The following CACNA2D3 variants were observed in gnomAD, a reference collection of about 807,000 sequenced individuals.
CACNA2D3 encodes calcium voltage-gated channel auxiliary subunit alpha2delta 3.
Under a neutral mutation model 160.6 loss-of-function variants are expected in CACNA2D3, and 60 were observed. The ratio of observed to expected loss-of-function variants is 0.37; its 90% confidence interval spans 0.30 to 0.46. The LOEUF (loss-of-function observed/expected upper bound fraction) is 0.46. CACNA2D3 is among the 20% of genes least tolerant of loss of function. The probability of loss-of-function intolerance (pLI) is 1.00; values close to 1 mark genes in which losing one functional copy is unlikely to be tolerated. For synonymous variants in CACNA2D3, 558 were observed against 492.9 expected, an observed-to-expected ratio of 1.13 and a Z score of -1.75; for missense variants, 1,205 against 1,365.0, an observed-to-expected ratio of 0.88 and a Z score of 1.85.
intron 4 of CACNA2D3, among the ~76,000 whole-genome samples, chr3:54,497,336 T>C (rs2106933516): frequency 6.6e-6 from 1 of 152,190 alleles, no homozygotes; most frequent in African/African-American, 2.4e-5. Flanking sequence ...CATAGTTTAA[T>C]ATACACCTAT....
intron 11 of CACNA2D3, among the ~76,000 whole-genome samples, chr3:54,749,559 GA>G (rs202016681): frequency 4.0e-5 from 6 of 150,534 alleles, no homozygotes; most frequent in East Asian, 1.9e-4. Context: ...ATTACTGTGT[GA>G]AAAAAAAACC....
chr3:54,571,894 G>C (rs1357547025), intron 8 of CACNA2D3, among the ~76,000 whole-genome samples: 1 of 152,180 alleles, frequency 6.6e-6, no homozygotes, highest in African/African-American at 2.4e-5. Flanking sequence ...CCACAGGGTT[G>C]CTGCTGGGAT....
intron 11 of CACNA2D3, among the ~76,000 whole-genome samples, chr3:54,738,874 G>A (rs1042101867): frequency 2.6e-5 from 4 of 152,170 alleles, no homozygotes. Context: ...ACTTGGGGCT[G>A]GGCATGGTGG....
At chr3:54,344,686 C>G (rs1233016799) in intron 3 of CACNA2D3, among the ~76,000 whole-genome samples, 1 of 152,068 alleles carries the variant, frequency 6.6e-6, no homozygotes, top group African/African-American at 2.4e-5. Context: ...GGGAGTGTCT[C>G]AGTTTCCCCA....
chr3:54,650,026 A>C (rs957950524), intron 11 of CACNA2D3, among the ~76,000 whole-genome samples: 1 of 152,086 alleles, frequency 6.6e-6, no homozygotes, highest in African/African-American at 2.4e-5. Flanking sequence ...CACCTGTTAG[A>C]TGTCACTGCA....
At chr3:54,777,727 G>T (rs1470670613) in intron 13 of CACNA2D3, among the ~76,000 whole-genome samples, 4 of 152,128 alleles carry the variant, frequency 2.6e-5, no homozygotes, top group Non-Finnish European at 5.9e-5. Context: ...AGGAGCAGTT[G>T]TTTCCATGGA....
At chr3:54,255,919 T>A (rs566215087) in intron 2 of CACNA2D3, among the ~76,000 whole-genome samples, 2 of 152,218 alleles carry the variant, frequency 1.3e-5, no homozygotes, top group African/African-American at 4.8e-5. Context: ...TTAAGCGAGG[T>A]TAAGTAACTT....
chr3:54,471,394 T>A (rs1244300550), intron 4 of CACNA2D3, among the ~76,000 whole-genome samples: 1 of 152,110 alleles, frequency 6.6e-6, no homozygotes, highest in African/African-American at 2.4e-5. Flanking sequence ...TGGGACACAT[T>A]TAAAGCAGTG....
intron 4 of CACNA2D3, among the ~76,000 whole-genome samples, chr3:54,427,652 G>C (rs960530878): frequency 6.6e-6 from 1 of 152,176 alleles, no homozygotes; most frequent in African/African-American, 2.4e-5. Context: ...CATGAGCCAT[G>C]CTCCCTGCCA....
rs563446898 is a variant in CACNA2D3, at chr3:54,195,750, G to A, written c.204+72156G>A. Among the ~76,000 whole-genome samples the A allele has an allele frequency of 4.5e-4, 68 of 152,276 alleles. No individual in the cohort carries two copies. The South Asian group carries it at 0.01, about 23-fold the overall frequency. On this transcript the variant is annotated intron_variant, in intron 2 of 37. Coordinates refer to ENST00000474759, the MANE Select transcript of CACNA2D3 (RefSeq NM_018398.3). ...GGTTTTCACAGGTTTGGTGGACACC[G>A]TTGGTGTTTAATGTCCAGGCTGAGG...
At chr3:54,969,461 A>G (rs2107069821) in intron 28 of CACNA2D3, among the ~76,000 whole-genome samples, 1 of 152,146 alleles carries the variant, frequency 6.6e-6, no homozygotes, top group Admixed American at 6.5e-5. Flanking sequence ...GGATTTCGCC[A>G]TGTGGCCAGG....
intron 34 of CACNA2D3, among the ~76,000 whole-genome samples, chr3:55,015,490 C>T (rs1382501953): frequency 6.6e-6 from 1 of 152,204 alleles, no homozygotes; most frequent in East Asian, 1.9e-4. Context: ...GTTATGCCAT[C>T]ATTAGTTTTT....
At chr3:54,576,053 G>A (rs779017300) in intron 8 of CACNA2D3, among the ~76,000 whole-genome samples, 3 of 152,176 alleles carry the variant, frequency 2.0e-5, no homozygotes, top group Non-Finnish European at 4.4e-5. Flanking sequence ...ACCCATGGAG[G>A]CAATGGAGAC....
At chr3:54,371,873 G>A (rs138317388) in intron 3 of CACNA2D3, among the ~76,000 whole-genome samples, 3 of 152,326 alleles carry the variant, frequency 2.0e-5, no homozygotes, top group Non-Finnish European at 2.9e-5. Flanking sequence ...GTGGAAAAAC[G>A]TGGCCTGAAC....
chr3:54,936,706 G>A (rs1337453176), intron 27 of CACNA2D3, among the ~76,000 whole-genome samples: 1 of 152,120 alleles, frequency 6.6e-6, no homozygotes, highest in African/African-American at 2.4e-5. Flanking sequence ...TCGCTAGTAG[G>A]AGGCCCTCTT....
intron 10 of CACNA2D3, among the ~76,000 whole-genome samples, chr3:54,637,202 A>C (rs1559534581): frequency 6.6e-6 from 1 of 151,970 alleles, no homozygotes; most frequent in Non-Finnish European, 1.5e-5. Flanking sequence ...AACAGGCTTT[A>C]ACCTTTTTAA....
intron 4 of CACNA2D3, among the ~76,000 whole-genome samples, chr3:54,447,820 CATTT>C (rs1700246399): frequency 6.6e-6 from 1 of 152,198 alleles, no homozygotes; most frequent in Non-Finnish European, 1.5e-5. Flanking sequence ...TTTTAGATGA[CATTT>C]CTGGCCATTC....
chr3:54,766,831 T>C (rs1702233622), intron 13 of CACNA2D3, among the ~76,000 whole-genome samples: 2 of 150,842 alleles, frequency 1.3e-5, no homozygotes, highest in East Asian at 3.9e-4. Context: ...ATGAGCAAAA[T>C]CACATATAGC....
chr3:54,687,121 C>CTTTTTTTTTTTTTTTTTTTTTTTT lies in CACNA2D3; in HGVS notation c.1167+44893_1167+44894insTTTTTTTTTTTTTTTTTTTTTTTT, dbSNP rs757838355. 2.8e-4 allele frequency among the ~76,000 whole-genome samples: 27 copies of CTTTTTTTTTTTTTTTTTTTTTTTT among 94,970 alleles called. 4 individuals carry two copies. Among genetic ancestry groups the CTTTTTTTTTTTTTTTTTTTTTTTT allele is most frequent in the South Asian group, 4.3e-4 (1 of 2,332 alleles). The allele number at this position is 94,970 out of a possible 152,430, so 62.3% of individuals were successfully genotyped here. The stretch of plus-strand genomic sequence containing the variant: ...AAATCGGATTTTTCTTTTTCTTTTT[C>CTTTTTTTTTTTTTTTTTTTTTTTT]TTTTTTTTTTTTTGTTTTTTTTTTT... On this transcript the variant is annotated intron_variant, in intron 11 of 37. Coordinates refer to ENST00000474759, the MANE Select transcript of CACNA2D3 (RefSeq NM_018398.3).
Sources: gnomAD v4.1 joint callset for allele counts (sites outside exome capture counted in the v4.1 genomes callset) on GRCh38, gnomAD v4.1.1 for gene constraint, MANE v1.5 for transcripts, NCBI Gene and HGNC (gene_info 2026-07-23, HGNC 2026-07-21) for gene names.